The following LAMA2 variants were observed in gnomAD, a reference collection of about 807,000 sequenced individuals.
LAMA2 encodes laminin subunit alpha 2.
LAMA2 carries 269 observed loss-of-function variants against 364.8 expected under a neutral mutation model. That is an observed-to-expected ratio of 0.74 (90% CI 0.67 to 0.82). LAMA2 has a LOEUF of 0.82. Ranked by LOEUF, LAMA2 falls within the 40% of genes least tolerant of loss-of-function variation. The pLI is 0.00. For synonymous variants in LAMA2, 1,379 were observed against 1,370.6 expected, an observed-to-expected ratio of 1.01 and a Z score of -0.14; for missense variants, 3,807 against 3,873.2, an observed-to-expected ratio of 0.98 and a Z score of 0.45.
At chr6:129,481,234 T>G in intron 54 of LAMA2, 29 bp from the exon 55 acceptor site, 1 of 1,592,718 alleles carries the variant, frequency 6.3e-7, no homozygotes, top group Non-Finnish European at 8.6e-7. Context: ...TTTCTAATGG[T>G]TTCTACTCTT....
intron 3 of LAMA2, among the ~76,000 whole-genome samples, chr6:129,071,534 A>T: frequency 6.6e-6 from 1 of 152,000 alleles, no homozygotes; most frequent in Non-Finnish European, 1.5e-5. Context: ...TAATATATTT[A>T]TTAACGCCTA....
At chr6:128,891,119 T>A (rs996146979) in intron 1 of LAMA2, among the ~76,000 whole-genome samples, 1 of 152,120 alleles carries the variant, frequency 6.6e-6, no homozygotes, top group African/African-American at 2.4e-5. Context: ...ATTTTTGTTG[T>A]CTTAAGGTAT....
rs1174318851 is a variant in LAMA2 at position 129,346,061 on chromosome 6, G to A, written c.4437-3237G>A. Among the ~76,000 whole-genome samples, 3 of 152,136 alleles carry A rather than the reference G, an allele frequency of 2.0e-5. No homozygotes were observed. The East Asian group carries it at 5.8e-4, about 29-fold the overall frequency. ...GAGTGATTACTGACTCATTTCCACG[G>A]CATTAGTTCAAGTCCTCATTATCTC... On this transcript the variant is annotated intron_variant, in intron 30 of 64. Coordinates refer to ENST00000421865, the MANE Select transcript of LAMA2 (RefSeq NM_000426.4).
At chr6:128,897,222 T>G (rs543054517) in intron 1 of LAMA2, among the ~76,000 whole-genome samples, 2 of 152,346 alleles carry the variant, frequency 1.3e-5, no homozygotes, top group South Asian at 4.1e-4. Flanking sequence ...CAGAGGTGAT[T>G]TTATTTCCCT....
At chr6:129,172,782 C>T (rs1201678874) in intron 9 of LAMA2, among the ~76,000 whole-genome samples, 1 of 152,242 alleles carries the variant, frequency 6.6e-6, no homozygotes, top group Non-Finnish European at 1.5e-5. Context: ...TCGCTGCTGC[C>T]TTGCAGTTTG....
chr6:129,296,339 A>C (rs867449278), intron 20 of LAMA2, among the ~76,000 whole-genome samples: 1 of 151,966 alleles, frequency 6.6e-6, no homozygotes, highest in South Asian at 2.1e-4. Context: ...AGTTTTTTTT[A>C]TATAGGTGAA....
chr6:129,353,066 C>A, intron 31 of LAMA2, 98 bp from the exon 32 acceptor site: 1 of 832,572 alleles, frequency 1.2e-6, no homozygotes, highest in Non-Finnish European at 1.9e-6. Flanking sequence ...TGGACTCTTG[C>A]TATCAGTTTT....
chr6:129,322,854 C>T (rs920335867), intron 28 of LAMA2, among the ~76,000 whole-genome samples: 2 of 152,176 alleles, frequency 1.3e-5, no homozygotes, highest in African/African-American at 4.8e-5. Flanking sequence ...CATTCAAATA[C>T]ATGCTTTCCC....
At chr6:129,185,954 G>A (rs772788146) in intron 10 of LAMA2, among the ~76,000 whole-genome samples, 20 of 151,778 alleles carry the variant, frequency 1.3e-4, no homozygotes, top group Non-Finnish European at 2.5e-4. Flanking sequence ...AGTCTGTAGC[G>A]TTCTAGAAAT....
intron 3 of LAMA2, among the ~76,000 whole-genome samples, chr6:129,095,934 A>AG (rs1474880233): frequency 6.6e-6 from 1 of 152,074 alleles, no homozygotes; most frequent in Non-Finnish European, 1.5e-5. Flanking sequence ...AAAAAAAAAA[A>AG]AAGTGTAAAA....
intron 61 of LAMA2, 140 bp from the exon 62 acceptor site, chr6:129,507,349 C>T: frequency 1.2e-6 from 1 of 849,436 alleles, no homozygotes; most frequent in Non-Finnish European, 2.0e-6. Context: ...AACAGAGAAC[C>T]CAGGCAGCTT....
chr6:129,499,574 G>A (rs1379323891), intron 58 of LAMA2, among the ~76,000 whole-genome samples: 2 of 152,118 alleles, frequency 1.3e-5, no homozygotes, highest in South Asian at 2.1e-4. Flanking sequence ...CATCTCACTT[G>A]TTCCCCCTTT....
At chr6:129,144,712 A>C (rs1474051726) in intron 5 of LAMA2, among the ~76,000 whole-genome samples, 1 of 152,064 alleles carries the variant, frequency 6.6e-6, no homozygotes, top group African/African-American at 2.4e-5. Flanking sequence ...CACAAGCCAT[A>C]GTTTTAAAAA....
At chr6:129,016,649 A>G (rs897765605) in intron 1 of LAMA2, among the ~76,000 whole-genome samples, 11 of 151,970 alleles carry the variant, frequency 7.2e-5, no homozygotes, top group Admixed American at 6.6e-4. Flanking sequence ...TTCATGCTAG[A>G]TAGAAGTCAG....
In LAMA2 at chr6:129,407,949, C is replaced by T. The variant is rs539453247; in HGVS notation, c.5865+3990C>T. Among the ~76,000 whole-genome samples the T allele has an allele frequency of 2.6e-5, 4 of 152,182 alleles. No individual in the cohort carries two copies. In the East Asian group the frequency reaches 7.7e-4, roughly 29 times the overall value. ...AATTACCCAGCCAACACTGAAACCC[C>T]CTTCTTAGCCTGTTGACTTGGAGGT... On this transcript the variant is annotated intron_variant, in intron 40 of 64. Coordinates refer to ENST00000421865, the MANE Select transcript of LAMA2 (RefSeq NM_000426.4).
chr6:129,069,949 G>T (rs1489492467), intron 3 of LAMA2, among the ~76,000 whole-genome samples: 1 of 151,648 alleles, frequency 6.6e-6, no homozygotes, highest in Non-Finnish European at 1.5e-5. Flanking sequence ...TTGTGAGACA[G>T]CATGTATGTT....
chr6:129,288,869 AG>A (rs1332894005), intron 19 of LAMA2, among the ~76,000 whole-genome samples: 1 of 152,192 alleles, frequency 6.6e-6, no homozygotes, highest in Non-Finnish European at 1.5e-5. Context: ...ATGTTTAAGC[AG>A]AGTAGGTTAT....
chr6:128,893,710 A>C (rs1776600346), intron 1 of LAMA2, among the ~76,000 whole-genome samples: 1 of 152,012 alleles, frequency 6.6e-6, no homozygotes, highest in Non-Finnish European at 1.5e-5. Context: ...AAAATAATTG[A>C]AACTTTGATT....
At chr6:128,992,647 CA>C (rs369924591) in intron 1 of LAMA2, among the ~76,000 whole-genome samples, 3 of 152,040 alleles carry the variant, frequency 2.0e-5, no homozygotes, top group Non-Finnish European at 4.4e-5. Flanking sequence ...TTAAATTCAA[CA>C]AAAAAGTCTG....
Sources: gnomAD v4.1 joint callset for allele counts (sites outside exome capture counted in the v4.1 genomes callset) on GRCh38, gnomAD v4.1.1 for gene constraint, MANE v1.5 for transcripts, NCBI Gene and HGNC (gene_info 2026-07-23, HGNC 2026-07-21) for gene names.